The following SRGAP1 variants were observed in gnomAD, a reference collection of about 807,000 sequenced individuals.
SRGAP1 encodes SLIT-ROBO Rho GTPase-activating protein 1.
SRGAP1 carries 43 observed loss-of-function variants against 121.9 expected under a neutral mutation model. The ratio of observed to expected loss-of-function variants is 0.35; its 90% CI spans 0.28 to 0.46. The LOEUF is 0.46. Ranked by LOEUF, SRGAP1 falls within the 20% of genes least tolerant of loss-of-function variation. SRGAP1 has a pLI of 1.00. For synonymous variants in SRGAP1, 447 were observed against 485.4 expected (o/e 0.92, Z 1.04); for missense variants, 1,102 against 1,350.9 (o/e 0.82, Z 2.89).
intron 1 of SRGAP1, among the ~76,000 whole-genome samples, chr12:63,869,800 C>T (rs1388529516): frequency 1.3e-5 from 2 of 152,060 alleles, no homozygotes; most frequent in Non-Finnish European, 2.9e-5. Flanking sequence ...TTGCATCAGC[C>T]TAGTAGATAC....
chr12:64,011,618 G>C (rs1326717484), intron 3 of SRGAP1, among the ~76,000 whole-genome samples: 1 of 152,112 alleles, frequency 6.6e-6, no homozygotes, highest in African/African-American at 2.4e-5. Flanking sequence ...AGAAATAAAT[G>C]ATTGACTAGT....
At chr12:64,000,887 A>G (rs1042089967) in intron 3 of SRGAP1, among the ~76,000 whole-genome samples, 3 of 152,228 alleles carry the variant, frequency 2.0e-5, no homozygotes, top group South Asian at 2.1e-4. Context: ...AGAATGGTCT[A>G]TTGGGAAAAT....
chr12:64,023,151 G>T (rs2034584796), intron 4 of SRGAP1, among the ~76,000 whole-genome samples: 1 of 134,158 alleles, frequency 7.5e-6, no homozygotes, highest in Admixed American at 8.3e-5. Flanking sequence ...ATTACAGATG[G>T]TTTTTTACAT....
chr12:63,903,657 C>T (rs920066511), intron 1 of SRGAP1, among the ~76,000 whole-genome samples: 2 of 151,238 alleles, frequency 1.3e-5, no homozygotes, highest in African/African-American at 4.9e-5. Context: ...TGCCTTGAGA[C>T]AGAGTCTCAC....
At chr12:64,109,192 C>T (rs1055698723) in intron 16 of SRGAP1, 155 bp downstream of exon 16, 20 of 428,264 alleles carry the variant, frequency 4.7e-5, no homozygotes, top group African/African-American at 1.0e-4. Context: ...CATTTTTCCT[C>T]AGCAGATCAA....
At position 64,096,300 on chromosome 12, in the gene SRGAP1, AG is replaced by A. The variant is rs529163275; in HGVS notation, c.1679-939del. 1.7e-3 allele frequency among the ~76,000 whole-genome samples: 259 copies of A among 152,350 alleles called. 1 individual carries two copies. Among genetic ancestry groups the A allele is most frequent in the African/African-American group, 5.9e-3 (244 of 41,580 alleles). ...TTCATGTTCAGTGATTTCTTGCCCT[AG>A]GAACAGAGAAAAGAGAACAACAGAT... On this transcript the variant is annotated intron_variant, in intron 14 of 21. Transcript: ENST00000355086.
intron 1 of SRGAP1, among the ~76,000 whole-genome samples, chr12:63,950,238 C>G (rs2032243990): frequency 6.6e-6 from 1 of 152,202 alleles, no homozygotes; most frequent in Admixed American, 6.5e-5. Context: ...CCTCCACATA[C>G]CTTTTTAGAA....
At chr12:64,100,433 A>G (rs1055701241) in intron 15 of SRGAP1, among the ~76,000 whole-genome samples, 3 of 152,224 alleles carry the variant, frequency 2.0e-5, no homozygotes, top group African/African-American at 7.2e-5. Context: ...ATCTCATGTA[A>G]GGGTACCTAC....
Position 64,005,485 on chromosome 12 carries a change from A to T in SRGAP1, c.427-11465A>T, listed in dbSNP as rs184879729. Reference sequence around the variant, plus strand: ...AGCAAGACCCCCATTTTACAAAAATAAAAATTAAAAAATAGCTGGGCATGG... The same window carrying T: ...AGCAAGACCCCCATTTTACAAAAATTAAAATTAAAAAATAGCTGGGCATGG... On this transcript the variant is annotated intron_variant, in intron 3 of 21. Coordinates refer to ENST00000355086, the MANE Select transcript of SRGAP1 (RefSeq NM_020762.4). Among the ~76,000 whole-genome samples the T allele has an allele frequency of 1.4e-3, 207 of 152,160 alleles. 1 individual carries two copies. The highest frequency in any genetic ancestry group is 4.6e-3 in the African/African-American group (190 of 41,516).
At chr12:64,024,154 G>A (rs941206748) in intron 4 of SRGAP1, among the ~76,000 whole-genome samples, 12 of 152,156 alleles carry the variant, frequency 7.9e-5, no homozygotes, top group African/African-American at 1.9e-4. Context: ...ATATGAAGCC[G>A]GGTGTGGTGA....
At position 64,115,808 on chromosome 12, in the gene SRGAP1, C is replaced by T; in HGVS notation, c.2145-6C>T. 3 of 1,611,690 alleles carry T rather than the reference C, an allele frequency of 1.9e-6. 1 individual carries two copies. The stretch of plus-strand genomic sequence containing the variant: ...TTTCATATGAATTTCCATTTGTATT[C>T]TACAGCGACAGCCCATACAGTGAGC... On this transcript the variant is annotated splice_region_variant and splice_polypyrimidine_tract_variant and intron_variant, in intron 17 of 21. Coordinates refer to ENST00000355086, the MANE Select transcript of SRGAP1 (RefSeq NM_020762.4).
chr12:64,068,337 A>G (rs1366096532), intron 8 of SRGAP1, among the ~76,000 whole-genome samples: 1 of 151,040 alleles, frequency 6.6e-6, no homozygotes, highest in Non-Finnish European at 1.5e-5. Context: ...CTGGCCCATG[A>G]AAAAAAAATT....
chr12:64,043,338 T>C (rs1246572982), intron 5 of SRGAP1, 109 bp from the exon 6 acceptor site: 2 of 1,099,318 alleles, frequency 1.8e-6, no homozygotes, highest in African/African-American at 3.2e-5. Context: ...GGGTCATTTG[T>C]ATATGTGGAA....
At chr12:63,885,605 T>C (rs1900351151) in intron 1 of SRGAP1, among the ~76,000 whole-genome samples, 1 of 152,232 alleles carries the variant, frequency 6.6e-6, no homozygotes, top group Admixed American at 6.5e-5. Flanking sequence ...TTGGCCTCTC[T>C]GTACAGCATT....
In SRGAP1 at chr12:64,161,163, A is replaced by T. The variant is rs1355176041; in HGVS notation, c.*18491A>T. The T allele has an allele frequency of 6.6e-6, 1 of 152,224 alleles. No homozygotes were observed. The highest frequency in any genetic ancestry group is 1.5e-5 in the Non-Finnish European group (1 of 68,034). The allele number at this position is 152,224 out of a possible 1,614,324, so 9.4% of individuals were successfully genotyped here. A position where few individuals can be genotyped will look rare whatever the true frequency, so the allele number is the denominator to read the frequency against. On this transcript the variant is annotated 3_prime_UTR_variant, in exon 22 of 22. Transcript: ENST00000355086. ...CTTAGCTTTCTATGTACATAAGTAG[A>T]TAAAAATTAATTCATTCTCAAAATC...
At chr12:63,917,249 A>C (rs1165574529) in intron 1 of SRGAP1, among the ~76,000 whole-genome samples, 1 of 152,142 alleles carries the variant, frequency 6.6e-6, no homozygotes, top group Admixed American at 6.5e-5. Context: ...TATGATGAGT[A>C]ATTATTATTC....
intron 1 of SRGAP1, among the ~76,000 whole-genome samples, chr12:63,978,848 C>T (rs1157957548): frequency 6.6e-6 from 1 of 152,154 alleles, no homozygotes; most frequent in African/African-American, 2.4e-5. Context: ...AGTTTCTCCA[C>T]ATTGTCTTCC....
intron 4 of SRGAP1, among the ~76,000 whole-genome samples, chr12:64,039,627 A>ATGTGTGTGTGTGTGTGTGTGTG (rs1565652059): frequency 2.6e-5 from 1 of 38,318 alleles, no homozygotes; most frequent in African/African-American, 8.3e-5. Context: ...CAGCTGAGCA[A>ATGTGTGTGTGTGTGTGTGTGTG]CGTGTGTGTG....
At chr12:63,930,694 G>A (rs953177112) in intron 1 of SRGAP1, among the ~76,000 whole-genome samples, 3 of 151,878 alleles carry the variant, frequency 2.0e-5, no homozygotes, top group Admixed American at 6.6e-5. Context: ...TTTGGGGAGC[G>A]AGTGAGTGAA....
Sources: gnomAD v4.1 joint callset for allele counts (sites outside exome capture counted in the v4.1 genomes callset) on GRCh38, gnomAD v4.1.1 for gene constraint, MANE v1.5 for transcripts, NCBI Gene and HGNC (gene_info 2026-07-23, HGNC 2026-07-21) for gene names.